The following MRTFA variants were observed in gnomAD, a reference collection of about 807,000 sequenced individuals.
MRTFA encodes myocardin-related transcription factor A.
Under a neutral mutation model 83.5 loss-of-function variants are expected in MRTFA, and 20 were observed. The observed-to-expected ratio is 0.24, with a 90% CI of 0.17 to 0.35. MRTFA has a LOEUF of 0.35. Among genes scored for constraint, MRTFA ranks in the 10% least tolerant of loss-of-function variants. The pLI is 1.00. For missense variants in MRTFA, 1,200 were observed against 1,224.7 expected (o/e 0.98, Z 0.30); for synonymous variants, 659 against 541.2 (o/e 1.22, Z -3.02).
chr22:40,511,013 G>C (rs538906009), intron 3 of MRTFA, among the ~76,000 whole-genome samples: 6 of 152,146 alleles, frequency 3.9e-5, no homozygotes, highest in Non-Finnish European at 8.8e-5. Context: ...AATAGCTTAA[G>C]TTTTACCCCA....
chr22:40,539,187 T>C (rs1423369162), intron 3 of MRTFA, among the ~76,000 whole-genome samples: 1 of 151,186 alleles, frequency 6.6e-6, no homozygotes, highest in Non-Finnish European at 1.5e-5. Context: ...TTAGTTGAGA[T>C]GGGGTTTCAC....
chr22:40,428,253 G>A (rs937297290), intron 7 of MRTFA, among the ~76,000 whole-genome samples: 1 of 152,172 alleles, frequency 6.6e-6, no homozygotes. Flanking sequence ...TTGTGGGACT[G>A]AGTCCTCAAC....
chr22:40,534,085 A>G (rs1013278808), intron 3 of MRTFA, among the ~76,000 whole-genome samples: 5 of 152,236 alleles, frequency 3.3e-5, no homozygotes, highest in African/African-American at 1.2e-4. Context: ...AAACAACTCA[A>G]GCTCATGAAA....
At chr22:40,624,425 CA>C (rs35882157) in intron 1 of MRTFA, among the ~76,000 whole-genome samples, 12,301 of 62,722 alleles carry the variant, frequency 0.2, 410 homozygotes, top group East Asian at 0.36. Context: ...GACTCCAACT[CA>C]AAAAAAAAAA....
At chr22:40,451,655 C>CG (rs943122291) in intron 4 of MRTFA, among the ~76,000 whole-genome samples, 2 of 152,098 alleles carry the variant, frequency 1.3e-5, no homozygotes, top group African/African-American at 4.8e-5. Flanking sequence ...GCACGAGTAT[C>CG]GACACAGGGA....
At chr22:40,530,779 T>A (rs1013218948) in intron 3 of MRTFA, among the ~76,000 whole-genome samples, 3 of 152,238 alleles carry the variant, frequency 2.0e-5, no homozygotes, top group African/African-American at 7.2e-5. Context: ...TTGAAAGCTA[T>A]TTTTCAACAA....
intron 4 of MRTFA, among the ~76,000 whole-genome samples, chr22:40,451,786 T>G (rs888554890): frequency 6.6e-6 from 1 of 152,144 alleles, no homozygotes; most frequent in Non-Finnish European, 1.5e-5. Context: ...TCTAAGACCC[T>G]GGATCAGTCT....
rs141201045 is a variant in MRTFA at position 40,487,647 on chromosome 22, C to G, written c.242-24361G>C. Reference sequence around the variant, plus strand: ...CTTCTCAGAAAGAATCTCACTATCTCCTGGTCCAACATACACTGAATCTAA... The same window carrying G: ...CTTCTCAGAAAGAATCTCACTATCTGCTGGTCCAACATACACTGAATCTAA... On this transcript the variant is annotated intron_variant, in intron 3 of 14. Coordinates refer to ENST00000355630, the MANE Select transcript of MRTFA (RefSeq NM_020831.6). Among the ~76,000 whole-genome samples the G allele has an allele frequency of 1.4e-3, 208 of 152,302 alleles. 5 individuals carry two copies. The East Asian group carries it at 0.037, about 27-fold the overall frequency.
chr22:40,463,390 A>G, intron 3 of MRTFA, 104 bp from the exon 4 acceptor site: 2 of 943,276 alleles, frequency 2.1e-6, no homozygotes, highest in Non-Finnish European at 3.4e-6. Flanking sequence ...AGAAGGATGT[A>G]GTGTGAAAGA....
intron 2 of MRTFA, chr22:40,586,900 CTGGTGCTG>C: frequency 6.9e-6 from 3 of 433,488 alleles, no homozygotes; most frequent in South Asian, 5.0e-5. Context: ...GCTGGTGCTG[CTGGTGCTG>C]CTGGTGCTGG....
intron 2 of MRTFA, among the ~76,000 whole-genome samples, chr22:40,581,574 T>C (rs1206876288): frequency 1.3e-5 from 2 of 152,180 alleles, no homozygotes; most frequent in Admixed American, 6.5e-5. Context: ...GAGCCAACTT[T>C]ATAGTTTTAT....
chr22:40,419,128 G>A lies in MRTFA; in HGVS notation c.1610C>T (p.Ala537Val), dbSNP rs1388756353. The A allele has an allele frequency of 5.7e-6, 9 of 1,586,748 alleles. No individual in the cohort carries two copies. Among genetic ancestry groups the A allele is most frequent in the Admixed American group, 1.8e-5 (1 of 56,940 alleles). Residue 537 changes from alanine (A) to valine (V), a missense_variant, in exon 12 of 15, where the codon GCC becomes GTC. Transcript: ENST00000355630. ...GCCAAACTTCACCACCCCACTGCTG[G>A]CCACCGTGGCCACCACCACCTCAGC...
At chr22:40,585,909 G>A (rs1469533538) in intron 2 of MRTFA, among the ~76,000 whole-genome samples, 1 of 152,096 alleles carries the variant, frequency 6.6e-6, no homozygotes, top group African/African-American at 2.4e-5. Context: ...CAATTTCCTA[G>A]GCCAACATCA....
chr22:40,506,483 A>G (rs1248052578), intron 3 of MRTFA, among the ~76,000 whole-genome samples: 2 of 152,216 alleles, frequency 1.3e-5, no homozygotes, highest in African/African-American at 4.8e-5. Context: ...TGGGAACTGA[A>G]CACCCAGCTC....
At chr22:40,475,960 T>C (rs761941883) in intron 3 of MRTFA, among the ~76,000 whole-genome samples, 2 of 151,978 alleles carry the variant, frequency 1.3e-5, no homozygotes, top group Non-Finnish European at 2.9e-5. Flanking sequence ...CTGGCTAATA[T>C]GGTGAAACCC....
intron 2 of MRTFA, among the ~76,000 whole-genome samples, chr22:40,556,485 T>C (rs2055526291): frequency 6.6e-6 from 1 of 152,074 alleles, no homozygotes; most frequent in Non-Finnish European, 1.5e-5. Flanking sequence ...AAGGACTCTC[T>C]ACTCCAAAGA....
chr22:40,411,666 A>T lies in MRTFA; in HGVS notation c.2820T>A (p.Ile940=). ...TCAGCATCTGGCTATGGAGGTCGTC[A>T]ATGAGGGAAAGGGGCTCTGGCCCGT... The change falls in exon 15 of 15, where the codon ATT becomes ATA. Residue 940 remains isoleucine (I), a synonymous_variant. Coordinates refer to ENST00000355630, the MANE Select transcript of MRTFA (RefSeq NM_020831.6). 6.2e-7 allele frequency: 1 copy of T among 1,610,412 alleles called. No individual in the cohort carries two copies. Among genetic ancestry groups the T allele is most frequent in the Non-Finnish European group, 8.5e-7 (1 of 1,178,060 alleles).
At chr22:40,561,663 A>C (rs1331186107) in intron 2 of MRTFA, among the ~76,000 whole-genome samples, 1 of 152,132 alleles carries the variant, frequency 6.6e-6, no homozygotes, top group African/African-American at 2.4e-5. Context: ...TCATCTTGGA[A>C]ATCATCTAAA....
At chr22:40,493,323 G>A (rs1757204999) in intron 3 of MRTFA, among the ~76,000 whole-genome samples, 1 of 152,142 alleles carries the variant, frequency 6.6e-6, no homozygotes, top group Admixed American at 6.6e-5. Context: ...AGCTAAGCGA[G>A]GCATGCAGTA....
Sources: gnomAD v4.1 joint callset for allele counts (sites outside exome capture counted in the v4.1 genomes callset) on GRCh38, gnomAD v4.1.1 for gene constraint, MANE v1.5 for transcripts, NCBI Gene and HGNC (gene_info 2026-07-23, HGNC 2026-07-21) for gene names.